RASSF6: variants seen among roughly 807,000 people sequenced by gnomAD.
RASSF6 encodes the protein Ras association domain family member 6.
A neutral mutation model predicts 44.0 loss-of-function variants in RASSF6; 52 were observed. The ratio of observed to expected loss-of-function variants is 1.18; its 90% CI spans 0.95 to 1.49. The LOEUF (loss-of-function observed/expected upper bound fraction) is 1.49. Among genes scored for constraint, RASSF6 ranks in the 40% most tolerant of loss-of-function variants. The pLI is 0.00. For synonymous variants in RASSF6, 162 were observed against 124.6 expected (o/e 1.30, Z -2.00); for missense variants, 464 against 393.3 (o/e 1.18, Z -1.52).
intron 3 of RASSF6, among the ~76,000 whole-genome samples, chr4:73,597,264 A>G (rs1312697665): frequency 6.6e-6 from 1 of 152,234 alleles, no homozygotes; most frequent in Non-Finnish European, 1.5e-5. Context: ...AGGAACTTAG[A>G]CAAATTTACA....
chr4:73,611,528 TAAAC>T (rs1242838232), intron 2 of RASSF6, among the ~76,000 whole-genome samples, 199 bp downstream of exon 2: 3 of 152,072 alleles, frequency 2.0e-5, no homozygotes, highest in Non-Finnish European at 2.9e-5. Context: ...AAACCACTGT[TAAAC>T]AAAATATTAG....
chr4:73,591,161 A>G (rs72863058), intron 4 of RASSF6, among the ~76,000 whole-genome samples: 14,220 of 152,310 alleles, frequency 0.093, 810 homozygotes, highest in East Asian at 0.21. Context: ...ACCACAAAAA[A>G]TGATAAATAT....
intron 1 of RASSF6, among the ~76,000 whole-genome samples, chr4:73,618,146 A>G (rs904658169): frequency 1.3e-5 from 2 of 152,114 alleles, no homozygotes; most frequent in Non-Finnish European, 2.9e-5. Context: ...TTTCGTAATC[A>G]TTGCTGGGTC....
At chr4:73,611,931 G>A (rs1053751241) in intron 1 of RASSF6, 102 bp from the exon 2 acceptor site, 18 of 724,408 alleles carry the variant, frequency 2.5e-5, no homozygotes, top group Middle Eastern at 2.6e-4. Context: ...AGTATAAGAA[G>A]GTTTTAGAAA....
intron 4 of RASSF6, among the ~76,000 whole-genome samples, chr4:73,588,796 T>TCATCATCAA (rs1724304332): frequency 6.6e-6 from 1 of 151,284 alleles, no homozygotes. Flanking sequence ...ATCATCATCA[T>TCATCATCAA]CATCATCATC....
At chr4:73,588,602 T>G (rs1410758093) in intron 4 of RASSF6, among the ~76,000 whole-genome samples, 1 of 152,062 alleles carries the variant, frequency 6.6e-6, no homozygotes, top group Non-Finnish European at 1.5e-5. Context: ...TAAACAAGTT[T>G]CTTATCCCCT....
At chr4:73,582,311 T>C (rs1378239644) in intron 6 of RASSF6, 21 bp from the exon 7 acceptor site, 2 of 1,282,334 alleles carry the variant, frequency 1.6e-6, no homozygotes, top group Non-Finnish European at 2.2e-6. Context: ...AATTGTCACA[T>C]AAGTCTTTAA....
chr4:73,579,969 C>T (rs182272684), intron 8 of RASSF6, among the ~76,000 whole-genome samples: 1 of 150,844 alleles, frequency 6.6e-6, no homozygotes, highest in African/African-American at 2.4e-5. Context: ...TGTGCTGCAC[C>T]CACTAACTCG....
intron 3 of RASSF6, among the ~76,000 whole-genome samples, chr4:73,595,373 T>C (rs1252168138): frequency 6.6e-6 from 1 of 152,050 alleles, no homozygotes; most frequent in Admixed American, 6.6e-5. Context: ...TTTGTATTTC[T>C]TTTTTAGTGG....
chr4:73,618,456 T>C (rs1183975175), intron 1 of RASSF6, among the ~76,000 whole-genome samples: 1 of 152,130 alleles, frequency 6.6e-6, no homozygotes, highest in Non-Finnish European at 1.5e-5. Context: ...TGTCTATCAA[T>C]AAATATAAAG....
At chr4:73,605,256 T>G (rs1045676228) in intron 2 of RASSF6, among the ~76,000 whole-genome samples, 2 of 152,202 alleles carry the variant, frequency 1.3e-5, no homozygotes, top group Non-Finnish European at 2.9e-5. Flanking sequence ...AAATGTAATA[T>G]ACACTCTTGT....
rs1247591 is a variant in RASSF6 at position 73,620,335 on chromosome 4, C to A, written c.-82G>T. On this transcript the variant is annotated 5_prime_UTR_variant, in exon 1 of 11. Transcript: ENST00000307439. ...GAGGACCCTTTTCACCATCGTTGTT[C>A]GGCTGAACTTGCTTCGCGGTTTGTT... 1.0e-2 allele frequency: 14,795 copies of A among 1,485,022 alleles called. 91 individuals are homozygous for A. Among genetic ancestry groups the A allele is most frequent in the Middle Eastern group, 0.027 (156 of 5,750 alleles). The allele number at this position is 1,485,022 out of a possible 1,614,324, so 92.0% of individuals were successfully genotyped here.
intron 5 of RASSF6, among the ~76,000 whole-genome samples, chr4:73,586,640 A>G (rs555719863): frequency 1.4e-3 from 211 of 152,156 alleles, no homozygotes; most frequent in African/African-American, 4.8e-3. Flanking sequence ...CTGTAATTAG[A>G]ACATTATCAA....
At chr4:73,613,349 C>G (rs758181023) in intron 1 of RASSF6, among the ~76,000 whole-genome samples, 1 of 152,124 alleles carries the variant, frequency 6.6e-6, no homozygotes, top group Non-Finnish European at 1.5e-5. Flanking sequence ...ACAACATGCT[C>G]CATGAGCCCA....
intron 5 of RASSF6, among the ~76,000 whole-genome samples, chr4:73,585,661 G>T (rs1724032466): frequency 6.6e-6 from 1 of 151,764 alleles, no homozygotes; most frequent in South Asian, 2.1e-4. Flanking sequence ...ATTTATTGGG[G>T]AGTGCATTTT....
chr4:73,613,058 C>T (rs1334408500), intron 1 of RASSF6, among the ~76,000 whole-genome samples: 1 of 152,156 alleles, frequency 6.6e-6, no homozygotes, highest in African/African-American at 2.4e-5. Context: ...TTAAAGTCTC[C>T]CCATGTCCTT....
chr4:73,578,974 G>GT (rs962884851), intron 8 of RASSF6, among the ~76,000 whole-genome samples: 2 of 151,940 alleles, frequency 1.3e-5, no homozygotes, highest in African/African-American at 4.8e-5. Context: ...TATCTCAATG[G>GT]TTTTGTATTT....
At chr4:73,615,065 G>A (rs1726261245) in intron 1 of RASSF6, among the ~76,000 whole-genome samples, 2 of 150,704 alleles carry the variant, frequency 1.3e-5, no homozygotes, top group African/African-American at 4.9e-5. Context: ...TTTAATCCCA[G>A]CTACCTGGGA....
rs1723260653 is a variant in RASSF6, at chr4:73,576,719, A to T, written c.734T>A (p.Leu245Gln). The change falls in exon 9 of 11, where the codon CTA becomes CAA. Residue 245 changes from leucine to glutamine, a missense_variant. Physicochemically the swap from Leu to Gln is moderately radical, Grantham distance 113. Transcript: ENST00000307439. ...CAGTAGCGGAATGTCTGTCTTCTTT[A>T]GTCGTCTTTGTTCTGCAGTGAAAAC... ...IIFATGEQRRLKKTDIPLLQR... is the reference protein window; with the variant it reads ...IIFATGEQRRQKKTDIPLLQR... The T allele has an allele frequency of 6.2e-7, 1 of 1,606,540 alleles. No homozygotes were observed. Among genetic ancestry groups the T allele is most frequent in the East Asian group, 2.2e-5 (1 of 44,812 alleles).
Sources: allele counts gnomAD v4.1 joint callset (sites outside exome capture counted in the v4.1 genomes callset), GRCh38; gene constraint gnomAD v4.1.1; transcripts MANE v1.5; gene names NCBI Gene and HGNC (gene_info 2026-07-23, HGNC 2026-07-21).